NEB: variants seen among roughly 807,000 people sequenced by gnomAD.
NEB encodes the protein nebulin.
A neutral mutation model predicts 952.2 loss-of-function variants in NEB; 512 were observed. That is an observed-to-expected ratio of 0.54 (90% CI 0.50 to 0.58). The LOEUF (loss-of-function observed/expected upper bound fraction) is 0.58, where lower values mean the gene tolerates loss of function less well. Ranked by LOEUF, NEB falls within the 20% of genes least tolerant of loss-of-function variation. NEB has a pLI of 0.00. For missense variants in NEB, 8,428 were observed against 9,231.1 expected (o/e 0.91, Z 3.56); for synonymous variants, 2,900 against 3,149.8 (o/e 0.92, Z 2.66).
In NEB at chr2:151,563,820, G is replaced by T. The variant is rs777814808; in HGVS notation, c.18579+3C>A. ...ACTTAGGAGAGGAAAAGGTCATACT[G>T]ACCTCACTGTTCACCAGATCAGCAT... On this transcript the variant is annotated splice_donor_region_variant and intron_variant, in intron 118 of 181. Transcript: ENST00000397345. The T allele has an allele frequency of 1.5e-5, 25 of 1,613,066 alleles. No homozygotes were observed. The highest frequency in any genetic ancestry group is 2.1e-5 in the Non-Finnish European group (25 of 1,179,372).
rs369153778 is a variant in NEB at position 151,706,988 on chromosome 2, T to C, written c.1045A>G (p.Lys349Glu). ...AGVAASKVKY[K>E]EDYEKNKGKA... ...CCTTTATTCTTTTCATAGTCTTCTT[T>C]GTATTTTACCTGTAGGAGTGAAATA... The change falls in exon 13 of 182, where the codon AAA (lysine) becomes GAA (glutamate). Residue 349 changes from lysine to glutamate, a missense_variant. Physicochemically the swap from Lys to Glu is moderately conservative, Grantham distance 56. Transcript: ENST00000397345. The C allele has an allele frequency of 1.3e-6, 2 of 1,573,630 alleles. No homozygotes were observed. Among genetic ancestry groups the C allele is most frequent in the Non-Finnish European group, 1.7e-6 (2 of 1,155,886 alleles).
intron 13 of NEB, among the ~76,000 whole-genome samples, chr2:151,699,172 T>A (rs1355306310): frequency 1.7e-5 from 2 of 120,614 alleles, no homozygotes; most frequent in African/African-American, 6.3e-5. Context: ...TTCATCCATG[T>A]CCCTACAAAG....
intron 44 of NEB, 57 bp from the exon 45 acceptor site, chr2:151,663,916 T>C (rs1343662497): frequency 6.6e-7 from 1 of 1,516,482 alleles, no homozygotes; most frequent in Non-Finnish European, 9.0e-7. Flanking sequence ...CAAAGTACCA[T>C]TTGCTAGGTG....
At chr2:151,690,142 A>C (rs2099536694) in intron 24 of NEB, 2 of 154,148 alleles carry the variant, frequency 1.3e-5, no homozygotes, top group South Asian at 4.1e-4. Flanking sequence ...AGGCGATTGC[A>C]TGAATGTGGA....
chr2:151,725,634 T>A, intron 5 of NEB, 74 bp from the exon 6 acceptor site: 2 of 1,179,648 alleles, frequency 1.7e-6, no homozygotes, highest in African/African-American at 1.5e-5. Flanking sequence ...CCCCATTTGA[T>A]AAAAAAAAAT....
intron 20 of NEB, among the ~76,000 whole-genome samples, chr2:151,693,927 C>T (rs947608138): frequency 1.6e-4 from 25 of 151,974 alleles, no homozygotes; most frequent in African/African-American, 6.0e-4. Context: ...AATTTCTTTA[C>T]TTCTTTTCAT....
rs1263302594 is a variant in NEB, at chr2:151,610,179, A to T, written c.12019-59T>A. The T allele has an allele frequency of 2.2e-6, 3 of 1,344,524 alleles. No individual in the cohort carries two copies. In the African/African-American group the frequency reaches 4.4e-5, roughly 20 times the overall value. The allele number at this position is 1,344,524 out of a possible 1,614,324, so 83.3% of individuals were successfully genotyped here. The stretch of plus-strand genomic sequence containing the variant: ...GTTTTAAAACCATGCTCATGTGCTG[A>T]CAATTACAGACAACATGAAATGGAC... On this transcript the variant is annotated intron_variant, in intron 80 of 181. Coordinates refer to ENST00000397345, the MANE Select transcript of NEB (RefSeq NM_001164508.2).
At position 151,570,359 on chromosome 2, in the gene NEB, C is replaced by T; in HGVS notation, c.17152G>A (p.Gly5718Arg). The part of the protein sequence containing the change: ...KYKLDHEKQK[G>R]HYVGTLTARD... The stretch of plus-strand genomic sequence containing the variant: ...GCTGTGAGGGTGCCCACGTAGTGTC[C>T]CTTCTGCTTCTCATGGTCAAGCTTA... Residue 5718 changes from glycine to arginine, a missense_variant, in exon 109 of 182, where the codon GGA becomes AGA. Physicochemically the swap from Gly to Arg is moderately radical, Grantham distance 125. Transcript: ENST00000397345. 1 of 1,588,152 alleles carries T rather than the reference C, an allele frequency of 6.3e-7. No individual in the cohort carries two copies. The highest frequency in any genetic ancestry group is 1.1e-5 in the South Asian group (1 of 87,194).
Position 151,633,980 on chromosome 2 carries a change from C to T in NEB, c.9103-15G>A. On this transcript the variant is annotated splice_polypyrimidine_tract_variant and intron_variant, in intron 64 of 181. Coordinates refer to ENST00000397345, the MANE Select transcript of NEB (RefSeq NM_001164508.2). ...TTATATTTGTACTAAAATGAAAATG[C>T]ACAAATCAGGTTTTTATTGTAACCC... is the stretch of plus-strand genomic sequence containing the variant. The T allele has an allele frequency of 6.2e-7, 1 of 1,606,924 alleles. No individual in the cohort carries two copies. Among genetic ancestry groups the T allele is most frequent in the Non-Finnish European group, 8.5e-7 (1 of 1,175,048 alleles).
chr2:151,547,879 A>G (rs1045330363), intron 131 of NEB, 141 bp from the exon 132 acceptor site: 5 of 654,316 alleles, frequency 7.6e-6, no homozygotes, highest in African/African-American at 3.7e-5. Context: ...ATTAGGAAAA[A>G]AGGAGAAAAT....
Position 151,505,501 on chromosome 2 carries a change from C to T in NEB, c.23719G>A (p.Glu7907Lys). The T allele has an allele frequency of 6.2e-7, 1 of 1,613,688 alleles. No individual in the cohort carries two copies. The highest frequency in any genetic ancestry group is 1.1e-5 in the South Asian group (1 of 91,028). Reference protein sequence around the residue: ...PDLPEVKRVKETQKHISSVMY... With the variant: ...PDLPEVKRVKKTQKHISSVMY... ...ACCGAGCTAATGTGCTTCTGCGTCT[C>T]CTTCACACGTTTCACTTCAGGCAGG... The change falls in exon 165 of 182, where the codon GAG becomes AAG. Residue 7907 changes from glutamate (E) to lysine (K), a missense_variant. Around this residue, in one of 11 missense-constraint regions of NEB, gnomAD observed 3,374 missense variants for 3,651.5 expected, o/e 0.92. Transcript: ENST00000397345.
intron 105 of NEB, among the ~76,000 whole-genome samples, chr2:151,578,167 A>C (rs1259373763): frequency 6.6e-6 from 1 of 152,202 alleles, no homozygotes; most frequent in African/African-American, 2.4e-5. Context: ...CTATACAGGA[A>C]ATAAATAACC....
intron 20 of NEB, among the ~76,000 whole-genome samples, 182 bp downstream of exon 20, chr2:151,694,141 C>T (rs1400039082): frequency 1.3e-5 from 2 of 152,152 alleles, no homozygotes; most frequent in African/African-American, 4.8e-5. Context: ...TATTCACTGG[C>T]ATCAAAGGCA....
At chr2:151,507,088 A>T in intron 162 of NEB, 75 bp from the exon 163 acceptor site, 1 of 920,432 alleles carries the variant, frequency 1.1e-6, no homozygotes, top group Non-Finnish European at 1.7e-6. Context: ...ATATTATGTG[A>T]AGAAAATTAA....
At chr2:151,625,414 T>A (rs2098504129) in intron 71 of NEB, 120 bp downstream of exon 71, 1 of 598,938 alleles carries the variant, frequency 1.7e-6, no homozygotes, top group East Asian at 2.9e-5. Flanking sequence ...GTAGGGTAAA[T>A]GGCATAAAAA....
chr2:151,486,107 C>T lies in NEB; in HGVS notation c.25405-174G>A, dbSNP rs528886615. Among the ~76,000 whole-genome samples, 6 of 152,226 alleles carry T rather than the reference C, an allele frequency of 3.9e-5. No individual in the cohort carries two copies. The East Asian group carries it at 1.2e-3, about 29-fold the overall frequency. On this transcript the variant is annotated intron_variant, in intron 181 of 181. Transcript: ENST00000397345. ...CACAAAATAGGAAATACTTGCAAGT[C>T]ATGTATCTGATAGGCAATTAATATC...
At chr2:151,569,942 A>G (rs1173678241) in intron 109 of NEB, 139 bp downstream of exon 109, 3 of 852,330 alleles carry the variant, frequency 3.5e-6, no homozygotes, top group Non-Finnish European at 5.3e-6. Context: ...TTTTGATACC[A>G]TACTATAAGG....
intron 13 of NEB, among the ~76,000 whole-genome samples, chr2:151,704,093 C>T (rs1381182554): frequency 1.3e-5 from 1 of 77,442 alleles, no homozygotes; most frequent in Non-Finnish European, 2.5e-5. Context: ...GGACCCTCAG[C>T]TGCAGGTCTG....
At position 151,610,856 on chromosome 2, in the gene NEB, G is replaced by C; in HGVS notation, c.11816C>G (p.Thr3939Arg). Residue 3939 changes from threonine (T) to arginine (R), a missense_variant, in exon 79 of 182, where the codon ACA becomes AGA. Around this residue, in one of 11 missense-constraint regions of NEB, gnomAD observed 337 missense variants for 297.5 expected, o/e 1.13. Transcript: ENST00000397345. ...GGTTTTGTCAGCATCCCAAGCTTCT[G>C]TGTATAAATGCTACAGGGCAGGGCG... Reference protein sequence around the residue: ...NALTMSKHLYTEAWDADKTSI... With the variant: ...NALTMSKHLYREAWDADKTSI... The C allele has an allele frequency of 1.9e-6, 3 of 1,592,742 alleles. 1 individual carries two copies. The highest frequency in any genetic ancestry group is 8.6e-7 in the Non-Finnish European group (1 of 1,168,560).
Sources: allele counts gnomAD v4.1 joint callset (sites outside exome capture counted in the v4.1 genomes callset), GRCh38; gene constraint gnomAD v4.1.1; regional missense constraint gnomAD v4.1.1; transcripts MANE v1.5; gene names NCBI Gene and HGNC (gene_info 2026-07-23, HGNC 2026-07-21).